KIAA1217: variants seen among roughly 807,000 people sequenced by gnomAD.
The protein encoded by KIAA1217 is sickle tail protein homolog.
KIAA1217 carries 88 observed loss-of-function variants against 163.9 expected under a neutral mutation model. The observed-to-expected ratio is 0.54, with a 90% CI of 0.45 to 0.64. KIAA1217 has a LOEUF of 0.64. KIAA1217 is among the 30% of genes least tolerant of loss of function. The pLI is 0.00. For missense variants in KIAA1217, 2,372 were observed against 2,475.0 expected, an observed-to-expected ratio of 0.96 and a Z score of 0.88; for synonymous variants, 903 against 923.1, an observed-to-expected ratio of 0.98 and a Z score of 0.39.
Position 24,543,442 on chromosome 10 carries a change from C to T in KIAA1217, c.4172C>T (p.Thr1391Ile). Reference sequence around the variant, plus strand: ...ATTGCCTTCATGATTACCGAAACCACTGTCCAGGTTCTTTCCAGTGGGGAG... The same window carrying T: ...ATTGCCTTCATGATTACCGAAACCATTGTCCAGGTTCTTTCCAGTGGGGAG... The part of the protein sequence containing the change: ...DNIAFMITET[T>I]VQVLSSGEVH... Residue 1391 changes from threonine to isoleucine, a missense_variant, in exon 19 of 21, where the codon ACT (threonine) becomes ATT (isoleucine). Physicochemically the swap from Thr to Ile is moderately conservative, Grantham distance 89 (BLOSUM62 -1). This residue lies in a region of KIAA1217 where 251 missense variants were observed against 327.3 expected (regional missense o/e 0.77). Coordinates refer to ENST00000376454, the MANE Select transcript of KIAA1217 (RefSeq NM_019590.5). The T allele has an allele frequency of 6.2e-7, 1 of 1,614,180 alleles. No homozygotes were observed.
intron 1 of KIAA1217, among the ~76,000 whole-genome samples, chr10:23,821,940 A>G (rs549954508): frequency 6.6e-6 from 1 of 152,276 alleles, no homozygotes; most frequent in African/African-American, 2.4e-5. Flanking sequence ...CTCCCACTGC[A>G]TGGAATGTGG....
intron 2 of KIAA1217, among the ~76,000 whole-genome samples, chr10:24,262,013 TTGTAA>T (rs912480340): frequency 6.6e-6 from 1 of 152,172 alleles, no homozygotes; most frequent in Non-Finnish European, 1.5e-5. Flanking sequence ...GCAGGAATCA[TTGTAA>T]TGTATCAGAT....
At chr10:24,230,760 G>T (rs2071296961) in intron 2 of KIAA1217, among the ~76,000 whole-genome samples, 1 of 151,944 alleles carries the variant, frequency 6.6e-6, no homozygotes, top group Admixed American at 6.6e-5. Flanking sequence ...TGAACTCCTG[G>T]CCTCAAGTGA....
At chr10:24,048,512 C>G (rs761863546) in intron 2 of KIAA1217, among the ~76,000 whole-genome samples, 46 of 152,060 alleles carry the variant, frequency 3.0e-4, no homozygotes, top group Non-Finnish European at 6.5e-4. Context: ...GGGTGGATTA[C>G]TTGAAGTCAG....
chr10:24,372,956 A>G (rs1408534335), intron 2 of KIAA1217, among the ~76,000 whole-genome samples: 1 of 152,254 alleles, frequency 6.6e-6, no homozygotes, highest in Non-Finnish European at 1.5e-5. Context: ...TCCTGGCTTC[A>G]GCAATTATTG....
chr10:24,202,285 G>A (rs1470660650), intron 2 of KIAA1217, among the ~76,000 whole-genome samples: 1 of 152,232 alleles, frequency 6.6e-6, no homozygotes, highest in Admixed American at 6.5e-5. Flanking sequence ...CAGTAGAGGT[G>A]ATCAAAGTGA....
At chr10:23,939,968 T>G (rs538648466) in intron 1 of KIAA1217, among the ~76,000 whole-genome samples, 2 of 150,448 alleles carry the variant, frequency 1.3e-5, no homozygotes, top group African/African-American at 4.8e-5. Flanking sequence ...TAAACTATAT[T>G]AAATATAAAC....
At chr10:24,100,665 T>C (rs1187491390) in intron 2 of KIAA1217, among the ~76,000 whole-genome samples, 1 of 152,224 alleles carries the variant, frequency 6.6e-6, no homozygotes, top group Non-Finnish European at 1.5e-5. Context: ...TTCAAGGCAA[T>C]AAATATTATC....
intron 17 of KIAA1217, among the ~76,000 whole-genome samples, chr10:24,540,177 A>G (rs1217638244): frequency 6.6e-6 from 1 of 152,212 alleles, no homozygotes; most frequent in African/African-American, 2.4e-5. Flanking sequence ...TTTCCATTAG[A>G]GCATTTATGC....
intron 1 of KIAA1217, among the ~76,000 whole-genome samples, chr10:23,822,979 T>TC (rs1485664468): frequency 6.6e-6 from 1 of 152,228 alleles, no homozygotes; most frequent in Admixed American, 6.5e-5. Context: ...AACCTATGTG[T>TC]CCCCAAATTA....
chr10:24,087,476 C>T (rs2061738669), intron 2 of KIAA1217, among the ~76,000 whole-genome samples: 1 of 152,164 alleles, frequency 6.6e-6, no homozygotes, highest in African/African-American at 2.4e-5. Flanking sequence ...GGCCCAAATA[C>T]ATGAGGTTTT....
intron 2 of KIAA1217, among the ~76,000 whole-genome samples, chr10:24,320,252 A>G (rs1169542559): frequency 6.6e-6 from 1 of 152,232 alleles, no homozygotes; most frequent in Non-Finnish European, 1.5e-5. Flanking sequence ...TCATGCATGG[A>G]GATCTGTAGA....
chr10:23,706,435 G>A (rs1000205434), intron 1 of KIAA1217, among the ~76,000 whole-genome samples: 16 of 152,086 alleles, frequency 1.1e-4, no homozygotes, highest in African/African-American at 3.6e-4. Context: ...ATCAGGTTGA[G>A]GAAGTTCTCT....
At chr10:24,417,196 GAAA>G (rs1343981845) in intron 3 of KIAA1217, among the ~76,000 whole-genome samples, 1 of 151,884 alleles carries the variant, frequency 6.6e-6, no homozygotes, top group Non-Finnish European at 1.5e-5. Context: ...ACCCTCTGGG[GAAA>G]AAAATCTGAG....
chr10:24,469,058 T>G (rs907038445), intron 5 of KIAA1217, among the ~76,000 whole-genome samples: 3 of 152,302 alleles, frequency 2.0e-5, no homozygotes, highest in Admixed American at 1.3e-4. Context: ...TTACATTTTC[T>G]TTTTACTAAT....
chr10:23,980,122 C>T (rs1282240831), intron 1 of KIAA1217, among the ~76,000 whole-genome samples: 1 of 152,048 alleles, frequency 6.6e-6, no homozygotes, highest in Non-Finnish European at 1.5e-5. Flanking sequence ...CTGTGTGATC[C>T]TTTCCTCCTG....
At chr10:24,010,170 G>A (rs554161861) in intron 2 of KIAA1217, among the ~76,000 whole-genome samples, 18 of 151,880 alleles carry the variant, frequency 1.2e-4, no homozygotes, top group African/African-American at 4.3e-4. Flanking sequence ...AACCTGGACT[G>A]TATGAACGCT....
chr10:23,771,966 C>T (rs997973448), intron 1 of KIAA1217, among the ~76,000 whole-genome samples: 1 of 152,118 alleles, frequency 6.6e-6, no homozygotes, highest in Non-Finnish European at 1.5e-5. Context: ...GGCAGTGAAC[C>T]TCAAGTGTTG....
At chr10:23,738,836 A>G (rs1838949013) in intron 1 of KIAA1217, among the ~76,000 whole-genome samples, 1 of 151,590 alleles carries the variant, frequency 6.6e-6, no homozygotes, top group Non-Finnish European at 1.5e-5. Context: ...AGGCAAAAAA[A>G]GTCCCTACTT....
Sources: allele counts gnomAD v4.1 joint callset (sites outside exome capture counted in the v4.1 genomes callset), GRCh38; gene constraint gnomAD v4.1.1; regional missense constraint gnomAD v4.1.1; transcripts MANE v1.5; gene names NCBI Gene and HGNC (gene_info 2026-07-23, HGNC 2026-07-21).